KLHL6: variants seen among roughly 807,000 people sequenced by gnomAD.
KLHL6 encodes kelch-like protein 6.
In KLHL6, 41 loss-of-function variants were observed where a neutral mutation model predicts 58.6. That is an observed-to-expected ratio of 0.70 (90% confidence interval 0.55 to 0.91). The LOEUF (loss-of-function observed/expected upper bound fraction) is 0.91, where lower values mean the gene tolerates loss of function less well. Among genes scored for constraint, KLHL6 ranks in the 40% least tolerant of loss-of-function variants. The pLI is 0.00. For synonymous variants in KLHL6, 338 were observed against 322.7 expected, an observed-to-expected ratio of 1.05 and a Z score of -0.51; for missense variants, 714 against 805.6, an observed-to-expected ratio of 0.89 and a Z score of 1.38.
intron 1 of KLHL6, among the ~76,000 whole-genome samples, chr3:183,529,762 G>GC (rs1245223230): frequency 1.3e-5 from 2 of 151,706 alleles, no homozygotes; most frequent in African/African-American, 4.9e-5. Context: ...TCCAGTTTGG[G>GC]CAACAGGGCA....
intron 1 of KLHL6, among the ~76,000 whole-genome samples, chr3:183,528,985 G>A (rs112106134): frequency 0.039 from 5,881 of 152,214 alleles, 155 homozygotes; most frequent in Non-Finnish European, 0.058. Context: ...GAACGAGATC[G>A]TATCCTTTGC....
intron 2 of KLHL6, among the ~76,000 whole-genome samples, chr3:183,518,139 G>A (rs1258766756): frequency 6.6e-6 from 1 of 152,160 alleles, no homozygotes; most frequent in Admixed American, 6.5e-5. Context: ...GAGGCTCATT[G>A]AGAATCTTTC....
intron 1 of KLHL6, among the ~76,000 whole-genome samples, chr3:183,545,504 A>T (rs144308984): frequency 5.2e-4 from 79 of 152,346 alleles, no homozygotes; most frequent in South Asian, 2.7e-3. Context: ...ATGGAAGATT[A>T]TCTAAAATTG....
Position 183,488,833 on chromosome 3 carries a change from C to T in KLHL6, c.*3094G>A, listed in dbSNP as rs574809522. 37 of 152,322 alleles carry T rather than the reference C, an allele frequency of 2.4e-4. No homozygotes were observed. Among genetic ancestry groups the T allele is most frequent in the African/African-American group, 8.9e-4 (37 of 41,566 alleles). 9.4% of individuals were successfully genotyped at this position (152,322 alleles called of 1,614,324 possible). On this transcript the variant is annotated 3_prime_UTR_variant, in exon 7 of 7. Transcript: ENST00000341319. Reference sequence around the variant, plus strand: ...TCTTTCTCGAAGAGCTACAGACTGGCAGCTTCATATACAGAACCCTAGACC... The same window carrying T: ...TCTTTCTCGAAGAGCTACAGACTGGTAGCTTCATATACAGAACCCTAGACC...
chr3:183,551,787 G>T (rs1358873349), intron 1 of KLHL6, among the ~76,000 whole-genome samples: 1 of 152,146 alleles, frequency 6.6e-6, no homozygotes, highest in Non-Finnish European at 1.5e-5. Flanking sequence ...CATGAGACAG[G>T]GTGGAGGAGG....
At chr3:183,548,734 T>C (rs903542872) in intron 1 of KLHL6, 6 of 152,102 alleles carry the variant, frequency 3.9e-5, no homozygotes, top group African/African-American at 1.4e-4. Flanking sequence ...CATAATGGGG[T>C]AAGATGTCAG....
intron 2 of KLHL6, among the ~76,000 whole-genome samples, chr3:183,513,699 G>A (rs1310204364): frequency 7.0e-6 from 1 of 141,898 alleles, no homozygotes. Flanking sequence ...TGTGAATTGA[G>A]CATGTATTTC....
Position 183,494,130 on chromosome 3 carries a change from C to G in KLHL6, c.1299G>C (p.Gln433His). ...VYVIGGFDGL[Q>H]RINNVETYDP... is the part of the protein sequence containing the mutation. ...CGTAGGTCTCCACATTGTTGATTCT[C>G]TGTAAGCCGTCAAAGCCTCCGATCA... Residue 433 changes from glutamine to histidine, a missense_variant, in exon 5 of 7, where the codon CAG becomes CAC. Gln to His is a conservative substitution (Grantham distance 24, BLOSUM62 0). Around this residue, in one of 2 missense-constraint regions of KLHL6, gnomAD observed 510 missense variants for 629.7 expected, o/e 0.81. Transcript: ENST00000341319. 1 of 1,614,214 alleles carries G rather than the reference C, an allele frequency of 6.2e-7. No individual in the cohort carries two copies. Among genetic ancestry groups the G allele is most frequent in the Non-Finnish European group, 8.5e-7 (1 of 1,180,044 alleles).
Position 183,492,502 on chromosome 3 carries a change from T to G in KLHL6, c.1556A>C (p.Tyr519Ser). Residue 519 changes from tyrosine to serine, a missense_variant, in exon 6 of 7, where the codon TAT (tyrosine) becomes TCT (serine). Tyr to Ser is a moderately radical substitution (Grantham distance 144). Transcript: ENST00000341319. This position sits in a 1 kb window ranked among gnomAD's most constrained non-coding sequence, Gnocchi z 5.9. Reference sequence around the variant, plus strand: ...AAGAAGCCATTACTCACCAACGACATAGATGCGGTCCCGGAAACTCACTGC... The same window carrying G: ...AAGAAGCCATTACTCACCAACGACAGAGATGCGGTCCCGGAAACTCACTGC... ...INAVSFRDRI[Y>S]VVGGAMRALY... 6.2e-7 allele frequency: 1 copy of G among 1,614,170 alleles called. No individual in the cohort carries two copies. Among genetic ancestry groups the G allele is most frequent in the Non-Finnish European group, 8.5e-7 (1 of 1,180,002 alleles).
rs931053975 is a variant in KLHL6, at chr3:183,490,161, T to C, written c.*1766A>G. The C allele has an allele frequency of 7.9e-5, 12 of 152,134 alleles. No individual in the cohort carries two copies. The highest frequency in any genetic ancestry group is 2.0e-4 in the Admixed American group (3 of 15,268). 9.4% of individuals were successfully genotyped at this position (152,134 alleles called of 1,614,324 possible). ...CTCTTACAGTGAAGGACAGATTCTG[T>C]TCTTTAAGTCACAATTGAGCTACAC... On this transcript the variant is annotated 3_prime_UTR_variant, in exon 7 of 7. Transcript: ENST00000341319.
chr3:183,507,679 C>T (rs926737586), intron 3 of KLHL6, among the ~76,000 whole-genome samples: 5 of 152,204 alleles, frequency 3.3e-5, no homozygotes, highest in Middle Eastern at 3.4e-3. Flanking sequence ...GTGATCCACC[C>T]GCCCTGGGCC....
intron 1 of KLHL6, among the ~76,000 whole-genome samples, chr3:183,538,976 A>C (rs890926298): frequency 1.3e-5 from 2 of 152,222 alleles, no homozygotes; most frequent in African/African-American, 4.8e-5. Context: ...TTGCTTATTC[A>C]GAATACAGAA....
intron 4 of KLHL6, 98 bp from the exon 5 acceptor site, chr3:183,494,379 G>T: frequency 2.0e-6 from 2 of 1,002,924 alleles, no homozygotes; most frequent in Non-Finnish European, 3.1e-6. Flanking sequence ...AGGTCCCCAG[G>T]CCAGCCCTAC....
intron 2 of KLHL6, among the ~76,000 whole-genome samples, chr3:183,519,282 A>G (rs145668568): frequency 3.7e-4 from 57 of 152,314 alleles, no homozygotes; most frequent in Middle Eastern, 3.4e-3. Flanking sequence ...GTGACCTGCA[A>G]GGACCAATGA....
intron 3 of KLHL6, among the ~76,000 whole-genome samples, chr3:183,503,159 G>T (rs1436297524): frequency 3.3e-5 from 5 of 152,222 alleles, no homozygotes; most frequent in African/African-American, 1.2e-4. Context: ...GCAGATAATT[G>T]CACCTTAATG....
intron 2 of KLHL6, among the ~76,000 whole-genome samples, chr3:183,511,229 A>G (rs951838121): frequency 2.6e-5 from 4 of 152,246 alleles, no homozygotes; most frequent in African/African-American, 9.6e-5. Flanking sequence ...AAGGGGAGGT[A>G]CTATGCCTGG....
At chr3:183,520,948 G>T (rs1471236368) in intron 2 of KLHL6, 1 of 152,080 alleles carries the variant, frequency 6.6e-6, no homozygotes, top group Non-Finnish European at 1.5e-5. Flanking sequence ...GCTGGGGGAC[G>T]GTCAGGTCTT....
intron 3 of KLHL6, among the ~76,000 whole-genome samples, chr3:183,506,348 C>T (rs771257333): frequency 2.0e-5 from 3 of 152,232 alleles, no homozygotes; most frequent in Non-Finnish European, 2.9e-5. Flanking sequence ...CAAGCATTTA[C>T]TAATTACTCA....
chr3:183,515,286 G>A (rs1241691573), intron 2 of KLHL6, among the ~76,000 whole-genome samples: 1 of 152,202 alleles, frequency 6.6e-6, no homozygotes, highest in African/African-American at 2.4e-5. Context: ...AATGGCTTAA[G>A]CTTATAATCC....
Sources: gnomAD v4.1 joint callset for allele counts (sites outside exome capture counted in the v4.1 genomes callset) on GRCh38, gnomAD v4.1.1 for gene constraint, gnomAD v4.1.1 regional missense constraint, Gnocchi (gnomAD v3.1) non-coding constraint, MANE v1.5 for transcripts, NCBI Gene and HGNC (gene_info 2026-07-23, HGNC 2026-07-21) for gene names.